The following ATG4B variants were observed in gnomAD, a reference collection of about 807,000 sequenced individuals.
The protein encoded by ATG4B is cysteine protease ATG4B.
A neutral mutation model predicts 56.6 loss-of-function variants in ATG4B; 29 were observed. The observed-to-expected ratio is 0.51, with a 90% CI of 0.38 to 0.70. ATG4B has a LOEUF of 0.70. Among genes scored for constraint, ATG4B ranks in the 30% least tolerant of loss-of-function variants. The pLI is 0.00. For missense variants in ATG4B, 461 were observed against 515.5 expected, an observed-to-expected ratio of 0.89 and a Z score of 1.02; for synonymous variants, 224 against 206.1, an observed-to-expected ratio of 1.09 and a Z score of -0.74.
rs878985852 is a variant in ATG4B at position 241,653,512 on chromosome 2, G to C, written c.185G>C (p.Gly62Ala). The C allele has an allele frequency of 2.0e-5, 32 of 1,577,022 alleles. No homozygotes were observed. In the South Asian group the frequency reaches 2.1e-4, roughly 10 times the overall value. Residue 62 changes from glycine to alanine, a missense_variant and splice_region_variant, in exon 4 of 13, where the codon GGG (glycine) becomes GCG (alanine). Physicochemically the swap from Gly to Ala is moderately conservative, Grantham distance 60 (BLOSUM62 0). Coordinates refer to ENST00000404914, the MANE Select transcript of ATG4B (RefSeq NM_013325.5). ...FTYRKNFPAI[G>A]GTGPTSDTGW... ...CTTCTCTCTCTGTCTGCCACGACAG[G>C]GGGGACAGGCCCCACCTCGGACACA...
chr2:241,657,673 T>C (rs2068450578), intron 6 of ATG4B, among the ~76,000 whole-genome samples: 1 of 152,200 alleles, frequency 6.6e-6, no homozygotes, highest in Non-Finnish European at 1.5e-5. Flanking sequence ...CCATTCAAAA[T>C]ATGTCCAGAC....
Position 241,653,624 on chromosome 2 carries a change from CTGGGGAGGGCGCA to C in ATG4B, c.283+18_283+30del. ...ACCTAGGCCGAGGTGAGTCACAGCC[CTGGGGAGGGCGCA>C]TGGCCACGGTGTTCTCAGGAAGCAA... On this transcript the variant is annotated intron_variant, in intron 4 of 12. Coordinates refer to ENST00000404914, the MANE Select transcript of ATG4B (RefSeq NM_013325.5). The C allele has an allele frequency of 1.3e-6, 2 of 1,556,940 alleles. No homozygotes were observed. Among genetic ancestry groups the C allele is most frequent in the South Asian group, 1.2e-5 (1 of 84,338 alleles).
intron 6 of ATG4B, among the ~76,000 whole-genome samples, chr2:241,658,242 G>A (rs1013015213): frequency 2.0e-5 from 3 of 152,040 alleles, no homozygotes; most frequent in Non-Finnish European, 2.9e-5. Flanking sequence ...GGAGTGGGGC[G>A]GGGAAGCAGG....
At chr2:241,657,979 A>G (rs1207984526) in intron 6 of ATG4B, among the ~76,000 whole-genome samples, 2 of 151,646 alleles carry the variant, frequency 1.3e-5, no homozygotes, top group South Asian at 4.2e-4. Flanking sequence ...TTCCCCCGAC[A>G]CCTGCCTGGG....
chr2:241,665,947 C>A (rs185847803), intron 7 of ATG4B, among the ~76,000 whole-genome samples: 1 of 152,346 alleles, frequency 6.6e-6, no homozygotes, highest in Admixed American at 6.5e-5. Context: ...TGATGCTTGA[C>A]GGTTCCACCT....
intron 1 of ATG4B, among the ~76,000 whole-genome samples, chr2:241,641,392 T>C (rs926543023): frequency 3.9e-5 from 6 of 151,944 alleles, no homozygotes; most frequent in Non-Finnish European, 7.4e-5. Flanking sequence ...CTACTAAAAA[T>C]ACAAAAAATT....
Position 241,651,189 on chromosome 2 carries a change from ACT to A in ATG4B, c.113-72_113-71del. 6.4e-7 allele frequency: 1 copy of A among 1,556,736 alleles called. No individual in the cohort carries two copies. Among genetic ancestry groups the A allele is most frequent in the East Asian group, 2.3e-5 (1 of 43,212 alleles). On this transcript the variant is annotated intron_variant, in intron 2 of 12. Coordinates refer to ENST00000404914, the MANE Select transcript of ATG4B (RefSeq NM_013325.5). This position sits in a 1 kb window ranked among gnomAD's most constrained non-coding sequence, Gnocchi z 4.1. ...ATTTTGTGATCACTGTTCTCTGCTA[ACT>A]CTGCCATAACTTGTGACTTGCAAAC... is the stretch of plus-strand genomic sequence containing the variant.
chr2:241,660,819 C>T (rs767403828), intron 7 of ATG4B, among the ~76,000 whole-genome samples: 4 of 152,212 alleles, frequency 2.6e-5, no homozygotes, highest in South Asian at 2.1e-4. Context: ...TCCTCCCTCC[C>T]GTGTTTGGGG....
intron 3 of ATG4B, among the ~76,000 whole-genome samples, chr2:241,652,354 C>T (rs976334445): frequency 5.3e-5 from 8 of 152,330 alleles, no homozygotes; most frequent in South Asian, 2.1e-4. Context: ...GCTACCCTGC[C>T]GCGTGCTGGG....
At chr2:241,644,426 C>T (rs1049340989) in intron 1 of ATG4B, among the ~76,000 whole-genome samples, 1 of 152,214 alleles carries the variant, frequency 6.6e-6, no homozygotes, top group African/African-American at 2.4e-5. Context: ...GTTAGTTTTG[C>T]ACCCATTGTG....
At chr2:241,640,721 G>A (rs570056371) in intron 1 of ATG4B, among the ~76,000 whole-genome samples, 4 of 152,308 alleles carry the variant, frequency 2.6e-5, no homozygotes, top group Admixed American at 2.6e-4. Flanking sequence ...TTTAAGTTTT[G>A]ACGAAGACTT....
Position 241,672,729 on chromosome 2 carries a change from C to A in ATG4B, c.*465C>A, listed in dbSNP as rs887139364. On this transcript the variant is annotated 3_prime_UTR_variant, in exon 13 of 13. Coordinates refer to ENST00000404914, the MANE Select transcript of ATG4B (RefSeq NM_013325.5). ...CGGCAGCCACACTGCGGCCCCACGC[C>A]CAAGGACTGGGCTGCTCTCGAGGGG... is the stretch of plus-strand genomic sequence containing the variant. 3 of 190,106 alleles carry A rather than the reference C, an allele frequency of 1.6e-5. No homozygotes were observed. The highest frequency in any genetic ancestry group is 3.3e-5 in the Non-Finnish European group (3 of 89,760). 11.8% of individuals were successfully genotyped at this position (190,106 alleles called of 1,614,324 possible).
At chr2:241,655,174 C>T in intron 5 of ATG4B, 97 bp from the exon 6 acceptor site, 1 of 1,296,140 alleles carries the variant, frequency 7.7e-7, no homozygotes, top group Non-Finnish European at 1.1e-6. Context: ...CGGGTGCTGT[C>T]CAGGCCTTCC....
chr2:241,654,754 G>A, intron 5 of ATG4B, 107 bp downstream of exon 5: 1 of 894,770 alleles, frequency 1.1e-6, no homozygotes, highest in South Asian at 1.5e-5. Context: ...TGGAGCAGGA[G>A]GCTGTAAACC....
chr2:241,650,667 C>A (rs2068202127), intron 1 of ATG4B, among the ~76,000 whole-genome samples: 1 of 151,960 alleles, frequency 6.6e-6, no homozygotes, highest in African/African-American at 2.4e-5. Context: ...GCTTTCTCAC[C>A]CCTCAGGTTG....
chr2:241,643,299 G>C (rs1461235941), intron 1 of ATG4B, among the ~76,000 whole-genome samples: 1 of 151,498 alleles, frequency 6.6e-6, no homozygotes, highest in Non-Finnish European at 1.5e-5. Context: ...TGACCTCCTG[G>C]GCTCAAGTGA....
rs564441927 is a variant in ATG4B, at chr2:241,662,517, G to A, written c.538+3330G>A. Among the ~76,000 whole-genome samples the A allele has an allele frequency of 3.3e-5, 5 of 152,358 alleles. No individual in the cohort carries two copies. The East Asian group carries it at 9.6e-4, about 29-fold the overall frequency. On this transcript the variant is annotated intron_variant, in intron 7 of 12. Transcript: ENST00000404914. ...AATAGGCAAAAGCCCGTTGCACCCTGTTGACAGCAGGGTGTTTGTGACGTG... is the reference window on the plus strand; with the variant it reads ...AATAGGCAAAAGCCCGTTGCACCCTATTGACAGCAGGGTGTTTGTGACGTG...
chr2:241,668,282 G>T lies in ATG4B; in HGVS notation c.811+61G>T. ...TGGGCCTTTTAAGGGCATTCCATGAGCAGGTACCACACCCCAGGTGACCAC... is the reference window on the plus strand; with the variant it reads ...TGGGCCTTTTAAGGGCATTCCATGATCAGGTACCACACCCCAGGTGACCAC... On this transcript the variant is annotated intron_variant, in intron 9 of 12. Coordinates refer to ENST00000404914, the MANE Select transcript of ATG4B (RefSeq NM_013325.5). This position sits in a 1 kb window ranked among gnomAD's most constrained non-coding sequence, Gnocchi z 4.2. The T allele has an allele frequency of 6.5e-7, 1 of 1,534,478 alleles. No homozygotes were observed. The highest frequency in any genetic ancestry group is 8.8e-7 in the Non-Finnish European group (1 of 1,131,174).
intron 1 of ATG4B, among the ~76,000 whole-genome samples, chr2:241,650,039 C>G (rs1451239347): frequency 6.6e-6 from 1 of 152,306 alleles, no homozygotes; most frequent in East Asian, 1.9e-4. Flanking sequence ...CCACCTCGGC[C>G]TCCCAGAGTG....
Sources: gnomAD v4.1 joint callset for allele counts (sites outside exome capture counted in the v4.1 genomes callset) on GRCh38, gnomAD v4.1.1 for gene constraint, Gnocchi (gnomAD v3.1) non-coding constraint, MANE v1.5 for transcripts, NCBI Gene and HGNC (gene_info 2026-07-23, HGNC 2026-07-21) for gene names.